The following PKNOX1 variants were observed in gnomAD, a reference collection of about 807,000 sequenced individuals.
PKNOX1 encodes homeobox protein PKNOX1.
Under a neutral mutation model 51.9 loss-of-function variants are expected in PKNOX1, and 15 were observed. That is an observed-to-expected ratio of 0.29 (90% CI 0.19 to 0.45). PKNOX1 has a LOEUF of 0.45. PKNOX1 is among the 20% of genes least tolerant of loss of function. PKNOX1 has a pLI of 1.00. For synonymous variants in PKNOX1, 219 were observed against 211.1 expected, an observed-to-expected ratio of 1.04 and a Z score of -0.32; for missense variants, 462 against 547.5, an observed-to-expected ratio of 0.84 and a Z score of 1.56.
At chr21:42,984,074 G>C (rs1167137706) in intron 1 of PKNOX1, among the ~76,000 whole-genome samples, 1 of 35,208 alleles carries the variant, frequency 2.8e-5, no homozygotes, top group East Asian at 4.4e-4. Flanking sequence ...ACGTGTGTGC[G>C]TGTGTGTGCG....
intron 1 of PKNOX1, among the ~76,000 whole-genome samples, chr21:42,990,088 C>A (rs1209180733): frequency 2.7e-5 from 2 of 74,448 alleles, no homozygotes; most frequent in Admixed American, 2.8e-4. Flanking sequence ...CAGAGCCAGA[C>A]CCTGTCTCAA....
intron 1 of PKNOX1, among the ~76,000 whole-genome samples, chr21:42,996,606 G>A (rs1419548288): frequency 6.6e-6 from 1 of 152,104 alleles, no homozygotes; most frequent in Non-Finnish European, 1.5e-5. Context: ...GGCTGACTGT[G>A]TTGTGGCTGT....
At chr21:43,016,284 C>T (rs1434242533) in intron 5 of PKNOX1, among the ~76,000 whole-genome samples, 4 of 152,246 alleles carry the variant, frequency 2.6e-5, no homozygotes, top group Admixed American at 2.6e-4. Context: ...GCATAGAGTC[C>T]TCCATGGGGC....
chr21:43,021,462 C>T lies in PKNOX1; in HGVS notation c.849+31C>T, dbSNP rs779343737. On this transcript the variant is annotated intron_variant, in intron 8 of 10. Transcript: ENST00000291547. The surrounding 1 kb of genome is among the most constrained non-coding windows in gnomAD (Gnocchi z 4.6). ...GACGGCTGGGCCAGCCCTTGCCTTG[C>T]AGCCCTCTGCGACGCTTGCTCTCTG... The T allele has an allele frequency of 1.9e-6, 3 of 1,572,918 alleles. No homozygotes were observed. The highest frequency in any genetic ancestry group is 2.3e-5 in the South Asian group (2 of 86,704).
chr21:42,985,870 G>T (rs555746795), intron 1 of PKNOX1, among the ~76,000 whole-genome samples: 1 of 151,874 alleles, frequency 6.6e-6, no homozygotes, highest in East Asian at 2.0e-4. Context: ...TCATGGTGGC[G>T]GGTGCCTATA....
chr21:43,003,601 A>G (rs1181116827), intron 1 of PKNOX1, among the ~76,000 whole-genome samples: 2 of 152,084 alleles, frequency 1.3e-5, no homozygotes, highest in East Asian at 1.9e-4. Flanking sequence ...CGGCCCGGGA[A>G]AGCAGCCCAG....
chr21:43,020,595 C>G (rs1290498917), intron 7 of PKNOX1: 1 of 152,330 alleles, frequency 6.6e-6, no homozygotes, highest in Non-Finnish European at 1.5e-5. Context: ...AAGGAGTCAG[C>G]CTGTGCCCTC....
intron 1 of PKNOX1, among the ~76,000 whole-genome samples, chr21:42,983,948 C>T (rs906990167): frequency 6.6e-6 from 1 of 152,040 alleles, no homozygotes; most frequent in Non-Finnish European, 1.5e-5. Context: ...TTGTATTTCC[C>T]TAATAATTAG....
In PKNOX1 at chr21:43,010,145, T is replaced by C. The variant is rs1439858421; in HGVS notation, c.272T>C (p.Val91Ala). The C allele has an allele frequency of 2.5e-6, 4 of 1,606,380 alleles. No individual in the cohort carries two copies. Among genetic ancestry groups the C allele is most frequent in the South Asian group, 1.1e-5 (1 of 89,540 alleles). The change falls in exon 4 of 11, where the codon GTA (valine) becomes GCA (alanine). Residue 91 changes from valine to alanine, a missense_variant. Val to Ala is a moderately conservative substitution (Grantham distance 64). Coordinates refer to ENST00000291547, the MANE Select transcript of PKNOX1 (RefSeq NM_004571.5). ...SEGTTSASFDVDIENFVRKQE... is the reference protein window; with the variant it reads ...SEGTTSASFDADIENFVRKQE... Reference sequence around the variant, plus strand: ...GGCACAACTTCTGCCAGTTTTGATGTAGACATCGAAAATTTTGTAAGAAAG... The same window carrying C: ...GGCACAACTTCTGCCAGTTTTGATGCAGACATCGAAAATTTTGTAAGAAAG...
At chr21:43,028,116 T>C (rs1454375949) in intron 9 of PKNOX1, among the ~76,000 whole-genome samples, 1 of 152,182 alleles carries the variant, frequency 6.6e-6, no homozygotes, top group African/African-American at 2.4e-5. Flanking sequence ...CCTCCAGTCA[T>C]CTAAGAAACA....
At chr21:42,980,074 AAAAGT>A (rs2059019084) in intron 1 of PKNOX1, among the ~76,000 whole-genome samples, 2 of 152,138 alleles carry the variant, frequency 1.3e-5, no homozygotes, top group Admixed American at 1.3e-4. Context: ...GTAACTTTAG[AAAAGT>A]ACTACTTGTG....
At position 43,021,927 on chromosome 21, in the gene PKNOX1, C is replaced by T. The variant is rs758568997; in HGVS notation, c.849+496C>T. Among the ~76,000 whole-genome samples the T allele has an allele frequency of 9.2e-5, 14 of 152,250 alleles. No individual in the cohort carries two copies. The highest frequency in any genetic ancestry group is 1.6e-4 in the Non-Finnish European group (11 of 68,040). ...CACGTGTGCACCCGGCTTCCTCCCC[C>T]GGGCCATGGCCGCGTCTTCTCCCTG... On this transcript the variant is annotated intron_variant, in intron 8 of 10. Transcript: ENST00000291547. This position sits in a 1 kb window ranked among gnomAD's most constrained non-coding sequence, Gnocchi z 4.6.
chr21:42,975,785 C>G (rs2058993671), intron 1 of PKNOX1, among the ~76,000 whole-genome samples: 1 of 152,236 alleles, frequency 6.6e-6, no homozygotes, highest in Non-Finnish European at 1.5e-5. Context: ...TCTCTTCCAA[C>G]TCTACGAGAG....
chr21:42,979,472 G>A (rs1219201560), intron 1 of PKNOX1, among the ~76,000 whole-genome samples: 3 of 152,142 alleles, frequency 2.0e-5, no homozygotes, highest in Admixed American at 6.5e-5. Flanking sequence ...GCCAGGCGCA[G>A]TGGCTGACGC....
chr21:43,010,006 C>T (rs200358871), intron 3 of PKNOX1, 47 bp from the exon 4 acceptor site: 74 of 1,265,256 alleles, frequency 5.8e-5, no homozygotes, highest in South Asian at 1.8e-4. Context: ...GACATTCTCA[C>T]GGAGATGTAG....
At chr21:42,990,422 A>G (rs773366926) in intron 1 of PKNOX1, among the ~76,000 whole-genome samples, 3 of 152,196 alleles carry the variant, frequency 2.0e-5, no homozygotes, top group Admixed American at 6.5e-5. Context: ...TTTGTAGAGT[A>G]TAGCCTTTTA....
chr21:43,007,350 T>C (rs1328672147), intron 2 of PKNOX1, 141 bp from the exon 3 acceptor site: 7 of 740,930 alleles, frequency 9.4e-6, no homozygotes, highest in Non-Finnish European at 1.6e-5. Flanking sequence ...CAAAGCTGTT[T>C]TGTTGGTAGC....
rs1367611375 is a variant in PKNOX1, at chr21:43,016,930, G to A, written c.545G>A (p.Gly182Asp). Residue 182 changes from glycine to aspartate, a missense_variant, in exon 6 of 11, where the codon GGC (glycine) becomes GAC (aspartate). Coordinates refer to ENST00000291547, the MANE Select transcript of PKNOX1 (RefSeq NM_004571.5). Reference sequence around the variant, plus strand: ...CAGCAGATTCAAAGTGCCATCACAGGCACCATCAGCCCTCAGGGAATTGTG... The same window carrying A: ...CAGCAGATTCAAAGTGCCATCACAGACACCATCAGCCCTCAGGGAATTGTG... ...QSQQIQSAIT[G>D]TISPQGIVVP... The A allele has an allele frequency of 6.2e-7, 1 of 1,608,676 alleles. No individual in the cohort carries two copies.
intron 4 of PKNOX1, 31 bp downstream of exon 4, chr21:43,010,255 C>A: frequency 7.8e-7 from 1 of 1,273,908 alleles, no homozygotes; most frequent in Non-Finnish European, 1.1e-6. Context: ...TTTTAGTTTT[C>A]AAAATGTGAA....
Sources: allele counts gnomAD v4.1 joint callset (sites outside exome capture counted in the v4.1 genomes callset), GRCh38; gene constraint gnomAD v4.1.1; non-coding constraint Gnocchi (gnomAD v3.1); transcripts MANE v1.5; gene names NCBI Gene and HGNC (gene_info 2026-07-23, HGNC 2026-07-21).